The following FSTL4 variants were observed in gnomAD, a reference collection of about 807,000 sequenced individuals.
The protein encoded by FSTL4 is follistatin like 4, also known as follistatin-related protein 4.
FSTL4 carries 28 observed loss-of-function variants against 78.2 expected under a neutral mutation model. That is an observed-to-expected ratio of 0.36 (90% CI 0.27 to 0.49). FSTL4 has a LOEUF of 0.49. FSTL4 is among the 20% of genes least tolerant of loss of function. FSTL4 has a pLI of 0.98. For synonymous variants in FSTL4, 422 were observed against 440.5 expected (o/e 0.96, Z 0.53); for missense variants, 922 against 1,084.9 (o/e 0.85, Z 2.11).
rs1389422978 is a variant in FSTL4 at position 133,440,055 on chromosome 5, T to A, written c.161-39069A>T. Among the ~76,000 whole-genome samples, 1 of 152,048 alleles carries A rather than the reference T, an allele frequency of 6.6e-6. No individual in the cohort carries two copies. The highest frequency in any genetic ancestry group is 1.5e-5 in the Non-Finnish European group (1 of 68,006). ...AGCAGAGCCCTGGGGGTGGGGGACA[T>A]GCTGGGGTCGGGAGGAAGGAAAGGA... On this transcript the variant is annotated intron_variant, in intron 3 of 15. Transcript: ENST00000265342. This position sits in a 1 kb window ranked among gnomAD's most constrained non-coding sequence, Gnocchi z 4.1.
chr5:133,411,476 A>C lies in FSTL4; in HGVS notation c.161-10490T>G, dbSNP rs532688455. On this transcript the variant is annotated intron_variant, in intron 3 of 15. Coordinates refer to ENST00000265342, the MANE Select transcript of FSTL4 (RefSeq NM_015082.2). The stretch of plus-strand genomic sequence containing the variant: ...GAATATCAGGGCAATTTAAGGAGAC[A>C]ATGGTCACTATTAAGACTCCAGTCT... Among the ~76,000 whole-genome samples the C allele has an allele frequency of 1.2e-3, 188 of 152,324 alleles. 1 individual carries two copies. Among genetic ancestry groups the C allele is most frequent in the Non-Finnish European group, 1.9e-3 (131 of 68,030 alleles).
chr5:133,227,063 A>G (rs10060529), intron 8 of FSTL4, among the ~76,000 whole-genome samples: 92,328 of 152,154 alleles, frequency 0.61, 29,519 homozygotes, highest in African/African-American at 0.82. Context: ...TGTGGGACAC[A>G]GTTGGAGGCA....
the FSTL4 span, among the ~76,000 whole-genome samples, chr5:133,740,127 A>T: frequency 6.6e-6 from 1 of 151,956 alleles, no homozygotes; most frequent in African/African-American, 2.4e-5. Flanking sequence ...CAAGCAATCT[A>T]CCCACCTTGG....
the FSTL4 span, among the ~76,000 whole-genome samples, chr5:133,638,975 A>AT: frequency 3.1e-4 from 47 of 151,098 alleles, no homozygotes; most frequent in African/African-American, 1.1e-3. Flanking sequence ...TATTTATTTT[A>AT]TTTTTTATTT....
chr5:133,563,488 A>G (rs1228519257), intron 3 of FSTL4, among the ~76,000 whole-genome samples: 1 of 152,256 alleles, frequency 6.6e-6, no homozygotes, highest in Non-Finnish European at 1.5e-5. Flanking sequence ...ATGCAGTGCT[A>G]TCTGCTCTGT....
At chr5:133,780,234 G>A in the FSTL4 span, among the ~76,000 whole-genome samples, 1 of 152,156 alleles carries the variant, frequency 6.6e-6, no homozygotes, top group Non-Finnish European at 1.5e-5. Flanking sequence ...GGCACTGGGA[G>A]GAGGGGTGTA....
At chr5:133,419,867 T>C (rs2126986260) in intron 3 of FSTL4, among the ~76,000 whole-genome samples, 1 of 152,366 alleles carries the variant, frequency 6.6e-6, no homozygotes, top group Admixed American at 6.5e-5. Flanking sequence ...ACTGATGATC[T>C]TGAACATCTT....
the FSTL4 span, among the ~76,000 whole-genome samples, chr5:133,707,538 T>A: frequency 1.3e-5 from 2 of 152,332 alleles, no homozygotes; most frequent in Non-Finnish European, 2.9e-5. Flanking sequence ...CCCTGTAGCC[T>A]GGGTCAGGAA....
At chr5:133,624,480 G>T in the FSTL4 span, among the ~76,000 whole-genome samples, 1 of 151,752 alleles carries the variant, frequency 6.6e-6, no homozygotes, top group Non-Finnish European at 1.5e-5. Flanking sequence ...TTTTATTTTG[G>T]GGTAATGAAA....
chr5:133,693,995 C>T, the FSTL4 span, among the ~76,000 whole-genome samples: 1 of 152,166 alleles, frequency 6.6e-6, no homozygotes, highest in Non-Finnish European at 1.5e-5. Context: ...ACAGACATGC[C>T]CAGAAGGCAT....
chr5:133,271,030 T>C (rs1472225973), intron 6 of FSTL4, among the ~76,000 whole-genome samples: 1 of 152,182 alleles, frequency 6.6e-6, no homozygotes, highest in Non-Finnish European at 1.5e-5. Context: ...CTTCCTGAGC[T>C]CTGCTTCCAG....
the FSTL4 span, among the ~76,000 whole-genome samples, chr5:133,740,900 C>G: frequency 6.6e-6 from 1 of 152,046 alleles, no homozygotes; most frequent in Non-Finnish European, 1.5e-5. Flanking sequence ...GAATCCTAAT[C>G]TTTCCTTTTA....
chr5:133,254,728 G>A (rs986543239), intron 6 of FSTL4, among the ~76,000 whole-genome samples: 70 of 152,206 alleles, frequency 4.6e-4, no homozygotes, highest in Non-Finnish European at 6.9e-4. Flanking sequence ...TCCACCCTGC[G>A]CCTTCTCTGG....
At position 133,237,853 on chromosome 5, in the gene FSTL4, C is replaced by CT. The variant is rs11355354; in HGVS notation, c.895-4317dup. On this transcript the variant is annotated intron_variant, in intron 7 of 15. Coordinates refer to ENST00000265342, the MANE Select transcript of FSTL4 (RefSeq NM_015082.2). The stretch of plus-strand genomic sequence containing the variant: ...TCTGTACTTGTCTCTTTATGGATGG[C>CT]TTTTTTTTTTTTTTGCTCTGATGCA... 6.2e-3 allele frequency among the ~76,000 whole-genome samples: 885 copies of CT among 142,330 alleles called. 2 individuals are homozygous for CT. The highest frequency in any genetic ancestry group is 9.0e-3 in the Admixed American group (130 of 14,382). The allele number at this position is 142,330 out of a possible 152,430, so 93.4% of individuals were successfully genotyped here. A position where few individuals can be genotyped will look rare whatever the true frequency, so the allele number is the denominator to read the frequency against.
intron 6 of FSTL4, among the ~76,000 whole-genome samples, chr5:133,288,477 T>C (rs1753187188): frequency 6.6e-6 from 1 of 152,252 alleles, no homozygotes; most frequent in African/African-American, 2.4e-5. Context: ...GCGATGTTGC[T>C]GTTCATCTGG....
the FSTL4 span, among the ~76,000 whole-genome samples, chr5:133,828,077 G>A: frequency 2.6e-5 from 4 of 152,130 alleles, no homozygotes; most frequent in Non-Finnish European, 5.9e-5. Flanking sequence ...ACAGACCATT[G>A]GGTTGGGGAC....
chr5:133,210,105 C>A, intron 14 of FSTL4, 86 bp downstream of exon 14: 2 of 733,154 alleles, frequency 2.7e-6, no homozygotes, highest in Non-Finnish European at 4.8e-6. Flanking sequence ...ATTAGCTACC[C>A]GGGGAAGCAG....
At chr5:133,673,948 T>G in the FSTL4 span, among the ~76,000 whole-genome samples, 3 of 152,364 alleles carry the variant, frequency 2.0e-5, no homozygotes, top group African/African-American at 7.2e-5. Flanking sequence ...ACATTGCCAT[T>G]CTTATTGTTT....
At chr5:133,771,572 A>G in the FSTL4 span, among the ~76,000 whole-genome samples, 2 of 152,148 alleles carry the variant, frequency 1.3e-5, no homozygotes, top group Admixed American at 1.3e-4. Context: ...ATTTCTGTAC[A>G]TTAATTTTTT....
Sources: allele counts gnomAD v4.1 joint callset (sites outside exome capture counted in the v4.1 genomes callset), GRCh38; gene constraint gnomAD v4.1.1; non-coding constraint Gnocchi (gnomAD v3.1); transcripts MANE v1.5; gene names NCBI Gene and HGNC (gene_info 2026-07-23, HGNC 2026-07-21).